Variants in XRCC4 observed in about 807,000 individuals in gnomAD.
XRCC4 encodes X-ray repair cross complementing 4.
A neutral mutation model predicts 39.1 loss-of-function variants in XRCC4; 28 were observed. The observed-to-expected ratio is 0.72, with a 90% CI of 0.53 to 0.98. The LOEUF (loss-of-function observed/expected upper bound fraction) is 0.98, where lower values mean the gene tolerates loss of function less well. XRCC4 is among the 50% of genes least tolerant of loss of function. XRCC4 has a pLI of 0.00. For synonymous variants in XRCC4, 123 were observed against 126.4 expected (o/e 0.97, Z 0.18); for missense variants, 350 against 376.4 (o/e 0.93, Z 0.58).
intron 1 of XRCC4, among the ~76,000 whole-genome samples, chr5:83,088,147 C>T (rs114406613): frequency 4.8e-4 from 73 of 152,188 alleles, no homozygotes; most frequent in Non-Finnish European, 8.5e-4. Flanking sequence ...GAAAATGCAG[C>T]ATCTTTTTAT....
chr5:83,111,648 ATAGT>A (rs1267812018), intron 3 of XRCC4, among the ~76,000 whole-genome samples: 3 of 152,106 alleles, frequency 2.0e-5, no homozygotes, highest in African/African-American at 7.2e-5. Context: ...TGAAAAATGC[ATAGT>A]AAGTATTAAG....
chr5:83,270,589 T>C (rs1036282480), intron 7 of XRCC4, among the ~76,000 whole-genome samples: 1 of 151,898 alleles, frequency 6.6e-6, no homozygotes, highest in Non-Finnish European at 1.5e-5. Flanking sequence ...ACAAATTGGA[T>C]TATATCTTTA....
In XRCC4 at chr5:83,111,120, G is replaced by T. The variant is rs764572419; in HGVS notation, c.232G>T (p.Ala78Ser). 3 of 1,611,482 alleles carry T rather than the reference G, an allele frequency of 1.9e-6. No homozygotes were observed. Among genetic ancestry groups the T allele is most frequent in the Non-Finnish European group, 2.5e-6 (3 of 1,178,810 alleles). Residue 78 changes from alanine (A) to serine (S), a missense_variant, in exon 3 of 8, where the codon GCA (alanine) becomes TCA (serine). Ala to Ser is a moderately conservative substitution (Grantham distance 99). Transcript: ENST00000396027. The part of the protein sequence containing the change: ...GELRKALLSG[A>S]GPADVYTFNF... ...ACTGAGAAAAGCATTGTTGTCAGGA[G>T]CAGGACCAGCTGATGTATACACGTT...
intron 3 of XRCC4, among the ~76,000 whole-genome samples, chr5:83,134,221 A>T (rs1233683836): frequency 6.6e-6 from 1 of 152,100 alleles, no homozygotes; most frequent in East Asian, 1.9e-4. Context: ...TGTCCGGGGT[A>T]GGTGCCGCAA....
intron 6 of XRCC4, among the ~76,000 whole-genome samples, chr5:83,253,350 G>T (rs1278816259): frequency 2.0e-5 from 3 of 152,078 alleles, no homozygotes; most frequent in Non-Finnish European, 4.4e-5. Context: ...TGGTTGGTTG[G>T]TTGGTTTGTC....
intron 1 of XRCC4, among the ~76,000 whole-genome samples, chr5:83,081,119 A>G (rs564223630): frequency 4.6e-5 from 7 of 152,284 alleles, no homozygotes; most frequent in African/African-American, 1.7e-4. Flanking sequence ...GGGCCTTGGG[A>G]TATACACCCT....
intron 6 of XRCC4, among the ~76,000 whole-genome samples, chr5:83,213,485 AT>A (rs1252185078): frequency 1.3e-5 from 2 of 152,168 alleles, no homozygotes; most frequent in African/African-American, 4.8e-5. Context: ...ATATAGCTAT[AT>A]GAGAGCAAAA....
Position 83,093,042 on chromosome 5 carries a change from C to T in XRCC4, c.-10-11868C>T, listed in dbSNP as rs930368451. ...ACACACACACACACACACACACACACAAGACCTAACTACATGCTACCTACA... is the reference window on the plus strand; with the variant it reads ...ACACACACACACACACACACACACATAAGACCTAACTACATGCTACCTACA... On this transcript the variant is annotated intron_variant, in intron 1 of 7. Coordinates refer to ENST00000396027, the MANE Select transcript of XRCC4 (RefSeq NM_003401.5). Among the ~76,000 whole-genome samples, 4 of 147,718 alleles carry T rather than the reference C, an allele frequency of 2.7e-5. No individual in the cohort carries two copies. In the Admixed American group the frequency reaches 2.7e-4, roughly 10 times the overall value.
At chr5:83,127,215 C>T (rs561124774) in intron 3 of XRCC4, among the ~76,000 whole-genome samples, 1 of 152,088 alleles carries the variant, frequency 6.6e-6, no homozygotes, top group Non-Finnish European at 1.5e-5. Flanking sequence ...ATACTATGGT[C>T]TGAATATGTC....
At chr5:83,081,333 T>C (rs1156768239) in intron 1 of XRCC4, among the ~76,000 whole-genome samples, 1 of 152,230 alleles carries the variant, frequency 6.6e-6, no homozygotes, top group African/African-American at 2.4e-5. Flanking sequence ...TCTGCTTTTT[T>C]CCTCTTATCC....
At chr5:83,159,466 T>C (rs1369844116) in intron 3 of XRCC4, among the ~76,000 whole-genome samples, 1 of 152,062 alleles carries the variant, frequency 6.6e-6, no homozygotes, top group Non-Finnish European at 1.5e-5. Flanking sequence ...AAAGGAGAAA[T>C]GTTTAGGAAA....
intron 3 of XRCC4, among the ~76,000 whole-genome samples, chr5:83,147,552 G>T (rs912695682): frequency 6.6e-6 from 1 of 152,062 alleles, no homozygotes; most frequent in African/African-American, 2.4e-5. Context: ...GGGGTTGGGG[G>T]TGGGGTAGAA....
intron 7 of XRCC4, among the ~76,000 whole-genome samples, chr5:83,268,289 C>G (rs28360252): frequency 0.023 from 3,485 of 152,062 alleles, 123 homozygotes; most frequent in African/African-American, 0.08. Flanking sequence ...TAGTCTTTAC[C>G]AAAATAAATC....
At chr5:83,320,888 T>A (rs369626305) in intron 7 of XRCC4, among the ~76,000 whole-genome samples, 2 of 147,252 alleles carry the variant, frequency 1.4e-5, no homozygotes, top group Non-Finnish European at 3.0e-5. Flanking sequence ...CTCAGCTCAC[T>A]GCAACCTCTG....
intron 6 of XRCC4, among the ~76,000 whole-genome samples, chr5:83,254,384 CCCT>C (rs1356279144): frequency 6.6e-6 from 1 of 152,128 alleles, no homozygotes; most frequent in African/African-American, 2.4e-5. Flanking sequence ...AACAAGGCCA[CCCT>C]CCTCCTCATT....
At chr5:83,276,305 G>A (rs1339350970) in intron 7 of XRCC4, among the ~76,000 whole-genome samples, 1 of 152,126 alleles carries the variant, frequency 6.6e-6, no homozygotes, top group Non-Finnish European at 1.5e-5. Flanking sequence ...ATGTTTGGTA[G>A]ATGGTATGGT....
the XRCC4 span, among the ~76,000 whole-genome samples, chr5:83,361,041 C>T: frequency 6.6e-6 from 1 of 152,152 alleles, no homozygotes; most frequent in African/African-American, 2.4e-5. Context: ...GGGACCAGAT[C>T]AAGCCAAGTT....
chr5:83,226,103 G>A (rs28360185), intron 6 of XRCC4, among the ~76,000 whole-genome samples: 1,961 of 152,054 alleles, frequency 0.013, 40 homozygotes, highest in African/African-American at 0.044. Flanking sequence ...GTGCTCGTGT[G>A]CCCACTTAAA....
At chr5:83,095,349 G>T (rs1745628665) in intron 1 of XRCC4, among the ~76,000 whole-genome samples, 1 of 152,192 alleles carries the variant, frequency 6.6e-6, no homozygotes, top group Non-Finnish European at 1.5e-5. Context: ...GTTGGACAGG[G>T]TTGCAGGAGG....
Sources: gnomAD v4.1 joint callset for allele counts (sites outside exome capture counted in the v4.1 genomes callset) on GRCh38, gnomAD v4.1.1 for gene constraint, MANE v1.5 for transcripts, NCBI Gene and HGNC (gene_info 2026-07-23, HGNC 2026-07-21) for gene names.